Variants in SRL observed in about 807,000 individuals in gnomAD.
The protein encoded by SRL is sarcalumenin.
Under a neutral mutation model 39.5 loss-of-function variants are expected in SRL, and 23 were observed. The observed-to-expected ratio is 0.58, with a 90% CI of 0.42 to 0.82. The LOEUF (loss-of-function observed/expected upper bound fraction) is 0.82. SRL is among the 40% of genes least tolerant of loss of function. SRL has a pLI of 0.00. For synonymous variants in SRL, 272 were observed against 237.4 expected (o/e 1.15, Z -1.34); for missense variants, 592 against 607.8 (o/e 0.97, Z 0.27).
Position 4,190,247 on chromosome 16 carries a change from C to A in SRL, c.*1906G>T. The A allele has an allele frequency of 2.5e-6, 1 of 398,896 alleles. No individual in the cohort carries two copies. Among genetic ancestry groups the A allele is most frequent in the Non-Finnish European group, 4.4e-6 (1 of 226,276 alleles). The allele number at this position is 398,896 out of a possible 1,614,324, so 24.7% of individuals were successfully genotyped here. ...CCTAACTCGAGGTTCTCCTCATAGA[C>A]CTAACCTGACTGCCAACTGGCTTAC... On this transcript the variant is annotated 3_prime_UTR_variant, in exon 6 of 6. Transcript: ENST00000399609.
chr16:4,221,369 T>C (rs981848976), intron 1 of SRL, among the ~76,000 whole-genome samples: 5 of 152,220 alleles, frequency 3.3e-5, no homozygotes, highest in Non-Finnish European at 7.4e-5. Flanking sequence ...TTCTTTTCCC[T>C]TGGCAGCCTC....
At chr16:4,238,193 G>A (rs1487902931) in intron 1 of SRL, among the ~76,000 whole-genome samples, 1 of 152,178 alleles carries the variant, frequency 6.6e-6, no homozygotes, top group African/African-American at 2.4e-5. Flanking sequence ...TTGGAGCAGG[G>A]CATGTGCCCA....
intron 3 of SRL, among the ~76,000 whole-genome samples, chr16:4,200,463 A>G (rs1374836996): frequency 1.3e-5 from 2 of 152,194 alleles, no homozygotes; most frequent in Non-Finnish European, 2.9e-5. Context: ...GAGAGGTTAC[A>G]AGGAAGCTGG....
intron 2 of SRL, among the ~76,000 whole-genome samples, chr16:4,203,947 A>G (rs2052276326): frequency 6.6e-6 from 1 of 152,344 alleles, no homozygotes; most frequent in African/African-American, 2.4e-5. Context: ...GTGGGGTCAG[A>G]TAACCCAGGT....
rs908441358 is a variant in SRL, at chr16:4,189,851, C to T, written c.*2302G>A. 1.2e-5 allele frequency: 2 copies of T among 160,430 alleles called. No individual in the cohort carries two copies. The highest frequency in any genetic ancestry group is 4.8e-5 in the African/African-American group (2 of 41,754). 9.9% of individuals were successfully genotyped at this position (160,430 alleles called of 1,614,324 possible). ...TTTTTTTGTTTTTCCCCTGACTACACAGAAAAACAGATCTGCCAAAGCAGC... is the reference window on the plus strand; with the variant it reads ...TTTTTTTGTTTTTCCCCTGACTACATAGAAAAACAGATCTGCCAAAGCAGC... On this transcript the variant is annotated 3_prime_UTR_variant, in exon 6 of 6. Transcript: ENST00000399609.
Position 4,192,885 on chromosome 16 carries a change from C to A in SRL, c.690G>T (p.Leu230=). Residue 230 remains leucine (L), a synonymous_variant, in exon 6 of 6, where the codon CTG becomes CTT. Transcript: ENST00000399609. This position sits in a 1 kb window ranked among gnomAD's most constrained non-coding sequence, Gnocchi z 4.0. ...GCATCTCCAGCTCTAGACCCACATCCAGCTTTGTTGGGTCAAAGACGACAA... is the reference window on the plus strand; with the variant it reads ...GCATCTCCAGCTCTAGACCCACATCAAGCTTTGTTGGGTCAAAGACGACAA... ...LIFVVFDPTK[L]DVGLELEMLF... The A allele has an allele frequency of 6.2e-7, 1 of 1,614,200 alleles. No homozygotes were observed. The highest frequency in any genetic ancestry group is 8.5e-7 in the Non-Finnish European group (1 of 1,180,042).
At position 4,212,641 on chromosome 16, in the gene SRL, G is replaced by A. The variant is rs4074567; in HGVS notation, c.62-8007C>T. On this transcript the variant is annotated intron_variant, in intron 1 of 5. Coordinates refer to ENST00000399609, the MANE Select transcript of SRL (RefSeq NM_001098814.2). ...GTGCTGCTGCCAGGGTGGCCCCCCC[G>A]ACTCCGGCCAGGCCAGGCCCGGGAC... 1.2e-4 allele frequency among the ~76,000 whole-genome samples: 18 copies of A among 152,276 alleles called. 1 individual carries two copies. Among genetic ancestry groups the A allele is most frequent in the African/African-American group, 3.6e-4 (15 of 41,556 alleles).
chr16:4,237,923 T>C (rs550055683), intron 1 of SRL, among the ~76,000 whole-genome samples: 2 of 152,158 alleles, frequency 1.3e-5, no homozygotes, highest in Non-Finnish European at 2.9e-5. Flanking sequence ...CCAGTGACAC[T>C]GATGTGTGTC....
intron 1 of SRL, among the ~76,000 whole-genome samples, chr16:4,222,310 T>C (rs967497004): frequency 3.3e-5 from 5 of 152,334 alleles, no homozygotes; most frequent in South Asian, 2.1e-4. Context: ...GTCTCACTCT[T>C]GTAACCCAGG....
At chr16:4,230,296 C>A (rs2052644729) in intron 1 of SRL, among the ~76,000 whole-genome samples, 1 of 152,112 alleles carries the variant, frequency 6.6e-6, no homozygotes. Context: ...CCCCCTCCAC[C>A]CAGTGGAAGA....
At chr16:4,220,455 A>C (rs190078132) in intron 1 of SRL, among the ~76,000 whole-genome samples, 5 of 151,544 alleles carry the variant, frequency 3.3e-5, no homozygotes, top group East Asian at 1.9e-4. Flanking sequence ...AGAAAAAAAA[A>C]ACACACACAC....
chr16:4,203,160 C>T lies in SRL; in HGVS notation c.259+6G>A. ...CTCAAGCCCTACCTGTTATCTCAAG[C>T]CCTACCTGTGATCTCATGCTGCCGG... is the stretch of plus-strand genomic sequence containing the variant. On this transcript the variant is annotated splice_donor_region_variant and intron_variant, in intron 3 of 5. Transcript: ENST00000399609. The T allele has an allele frequency of 6.2e-7, 1 of 1,613,420 alleles. No homozygotes were observed. The highest frequency in any genetic ancestry group is 8.5e-7 in the Non-Finnish European group (1 of 1,179,292).
chr16:4,233,041 G>A (rs75928020), intron 1 of SRL, among the ~76,000 whole-genome samples: 29,332 of 152,232 alleles, frequency 0.19, 3,048 homozygotes, highest in Middle Eastern at 0.26. Flanking sequence ...TACAGTCCCT[G>A]CTCTAGAAGC....
intron 1 of SRL, among the ~76,000 whole-genome samples, chr16:4,214,521 G>T (rs2052431644): frequency 6.6e-6 from 1 of 151,982 alleles, no homozygotes; most frequent in East Asian, 1.9e-4. Flanking sequence ...CCCATGTCTT[G>T]CCCCCATCCA....
intron 1 of SRL, among the ~76,000 whole-genome samples, chr16:4,231,113 A>C (rs2052655975): frequency 6.6e-6 from 1 of 152,154 alleles, no homozygotes; most frequent in Admixed American, 6.5e-5. Flanking sequence ...CCAGAAGCTC[A>C]AGACCAGCCC....
intron 1 of SRL, among the ~76,000 whole-genome samples, chr16:4,217,016 G>C (rs2052468515): frequency 6.6e-6 from 1 of 152,192 alleles, no homozygotes; most frequent in Non-Finnish European, 1.5e-5. Flanking sequence ...CTCCAGCTTG[G>C]CAGGTGAAGG....
chr16:4,232,993 C>G (rs988133548), intron 1 of SRL, among the ~76,000 whole-genome samples: 1 of 152,228 alleles, frequency 6.6e-6, no homozygotes, highest in African/African-American at 2.4e-5. Context: ...GCCCAGAACT[C>G]CAGGCCAGAC....
At chr16:4,203,545 A>G (rs1347270161) in intron 2 of SRL, among the ~76,000 whole-genome samples, 1 of 152,156 alleles carries the variant, frequency 6.6e-6, no homozygotes, top group East Asian at 1.9e-4. Flanking sequence ...ATTTAGAGAA[A>G]GGATCTTGCT....
intron 1 of SRL, among the ~76,000 whole-genome samples, chr16:4,234,167 G>GT (rs1331000871): frequency 6.6e-6 from 1 of 152,058 alleles, no homozygotes; most frequent in African/African-American, 2.4e-5. Context: ...TATTTTTAAA[G>GT]TTTTTTTGTA....
Sources: gnomAD v4.1 joint callset for allele counts (sites outside exome capture counted in the v4.1 genomes callset) on GRCh38, gnomAD v4.1.1 for gene constraint, Gnocchi (gnomAD v3.1) non-coding constraint, MANE v1.5 for transcripts, NCBI Gene and HGNC (gene_info 2026-07-23, HGNC 2026-07-21) for gene names.